Variants in PDHX observed in about 807,000 individuals in gnomAD.
PDHX encodes the protein pyruvate dehydrogenase complex component X.
A neutral mutation model predicts 55.3 loss-of-function variants in PDHX; 33 were observed. That is an observed-to-expected ratio of 0.60 (90% confidence interval 0.45 to 0.80). The LOEUF (loss-of-function observed/expected upper bound fraction) is 0.80, where lower values mean the gene tolerates loss of function less well. PDHX is among the 30% of genes least tolerant of loss of function. The pLI, the probability that PDHX is intolerant of heterozygous loss-of-function variation, is 0.00. For missense variants in PDHX, 622 were observed against 619.9 expected (o/e 1.00, Z -0.04); for synonymous variants, 226 against 219.4 (o/e 1.03, Z -0.27).
At chr11:34,984,209 C>T (rs1476982887) in intron 8 of PDHX, among the ~76,000 whole-genome samples, 1 of 152,160 alleles carries the variant, frequency 6.6e-6, no homozygotes, top group East Asian at 1.9e-4. Flanking sequence ...TTTCCACTCT[C>T]CTCCTCCCCT....
At chr11:34,954,560 T>C (rs1854861154) in intron 3 of PDHX, among the ~76,000 whole-genome samples, 1 of 152,228 alleles carries the variant, frequency 6.6e-6, no homozygotes, top group South Asian at 2.1e-4. Flanking sequence ...TATATGTTGA[T>C]GTTTGCCCTT....
Position 34,995,079 on chromosome 11 carries a change from G to A in PDHX, c.1413G>A (p.Met471Ile), listed in dbSNP as rs988363730. 3.7e-6 allele frequency: 6 copies of A among 1,613,876 alleles called. No individual in the cohort carries two copies. The highest frequency in any genetic ancestry group is 2.7e-5 in the African/African-American group (2 of 74,914). The change falls in exon 11 of 11, where the codon ATG becomes ATA. Residue 471 changes from methionine (M) to isoleucine (I), a missense_variant. By Grantham distance (10) the Met-to-Ile change is conservative. Coordinates refer to ENST00000227868, the MANE Select transcript of PDHX (RefSeq NM_003477.3). ...AGCGCCAGCTCATAACAGTCACAAT[G>A]TCAAGTGACAGTCGAGTGGTTGATG... ...LQQRQLITVTMSSDSRVVDDE... is the reference protein window; with the variant it reads ...LQQRQLITVTISSDSRVVDDE...
intron 8 of PDHX, among the ~76,000 whole-genome samples, chr11:34,983,280 A>C (rs1855560440): frequency 6.6e-6 from 1 of 152,198 alleles, no homozygotes. Context: ...ATCTCAAAAT[A>C]ATAAGACCTA....
intron 9 of PDHX, among the ~76,000 whole-genome samples, chr11:34,987,729 A>AGTGT (rs112490795): frequency 0.57 from 85,506 of 149,370 alleles, 25,493 homozygotes; most frequent in Non-Finnish European, 0.67. Flanking sequence ...AGAAACCCTG[A>AGTGT]GTGTGTGTGT....
At chr11:34,947,708 G>A (rs527302732) in intron 3 of PDHX, 102 bp downstream of exon 3, 16 of 795,856 alleles carry the variant, frequency 2.0e-5, no homozygotes, top group East Asian at 1.3e-4. Context: ...TATTTTTAAT[G>A]TGTATTGTCT....
chr11:34,974,311 C>T (rs979477408), intron 7 of PDHX, among the ~76,000 whole-genome samples: 3 of 152,192 alleles, frequency 2.0e-5, no homozygotes, highest in Admixed American at 6.5e-5. Context: ...ATTATGTCTT[C>T]AGGGTTCATG....
chr11:34,951,700 ATT>A lies in PDHX; in HGVS notation c.342+4095_342+4096del, dbSNP rs1297922919. On this transcript the variant is annotated intron_variant, in intron 3 of 10. Transcript: ENST00000227868. ...TGCTGTGCAGAAGCTCTTTGGTTTA[ATT>A]AGATCCCATTTGTCAATTTTTGGCT... is the stretch of plus-strand genomic sequence containing the variant. Among the ~76,000 whole-genome samples the A allele has an allele frequency of 2.6e-5, 4 of 152,074 alleles. No individual in the cohort carries two copies. In the East Asian group the frequency reaches 7.7e-4, roughly 29 times the overall value.
intron 1 of PDHX, among the ~76,000 whole-genome samples, chr11:34,920,361 C>T (rs1250000854): frequency 6.6e-6 from 1 of 151,844 alleles, no homozygotes; most frequent in East Asian, 1.9e-4. Context: ...GGCGATTTGC[C>T]TAGTATATAA....
At chr11:34,924,251 CTA>C (rs1480803145) in intron 1 of PDHX, among the ~76,000 whole-genome samples, 33 of 152,048 alleles carry the variant, frequency 2.2e-4, no homozygotes, top group Admixed American at 2.2e-3. Flanking sequence ...TTCTTTCTTT[CTA>C]TTTTTTTAGA....
In PDHX at chr11:34,947,336, T is replaced by TACAC. The variant is rs201136678; in HGVS notation, c.242-158_242-155dup. On this transcript the variant is annotated intron_variant, in intron 2 of 10. Transcript: ENST00000227868. ...TGGAAATTACAGCAAAGCATACACATACACACACACACACAAACACCCACA... is the reference window on the plus strand; with the variant it reads ...TGGAAATTACAGCAAAGCATACACATACACACACACACACACACAAACACCCACA... Among the ~76,000 whole-genome samples the TACAC allele has an allele frequency of 4.7e-4, 71 of 151,230 alleles. 1 individual carries two copies. The highest frequency in any genetic ancestry group is 1.6e-3 in the African/African-American group (65 of 41,298).
chr11:34,979,935 A>G (rs1176065534), intron 8 of PDHX, among the ~76,000 whole-genome samples: 1 of 149,954 alleles, frequency 6.7e-6, no homozygotes, highest in Non-Finnish European at 1.5e-5. Flanking sequence ...ATTTTTTTAT[A>G]TTTTCTAGTT....
At position 34,992,374 on chromosome 11, in the gene PDHX, T is replaced by A. The variant is rs1590775601; in HGVS notation, c.1242T>A (p.Ser414=). Residue 414 remains serine (S), a synonymous_variant, in exon 10 of 11, where the codon TCT becomes TCA. Transcript: ENST00000227868. ...TGCCTGAAGAATACCAAGGAGGATC[T>A]TTTAGGTAAAATTTAAACTCTTAAT... ...KLLPEEYQGG[S]FSISNLGMFG... is the part of the protein sequence containing the mutation. 6.4e-7 allele frequency: 1 copy of A among 1,567,456 alleles called. No individual in the cohort carries two copies.
chr11:34,979,684 T>A (rs1590765227), intron 8 of PDHX, among the ~76,000 whole-genome samples: 1 of 152,288 alleles, frequency 6.6e-6, no homozygotes, highest in East Asian at 1.9e-4. Context: ...ATTAATTGAC[T>A]ATTATTGTGA....
chr11:34,974,634 C>A (rs917193450), intron 7 of PDHX, among the ~76,000 whole-genome samples: 1 of 152,144 alleles, frequency 6.6e-6, no homozygotes, highest in African/African-American at 2.4e-5. Flanking sequence ...CCACTAATGG[C>A]GCACCAATGG....
At chr11:34,987,689 A>C (rs1037874988) in intron 9 of PDHX, among the ~76,000 whole-genome samples, 1 of 151,810 alleles carries the variant, frequency 6.6e-6, no homozygotes, top group African/African-American at 2.4e-5. Context: ...CTGTGGATGA[A>C]TAGGCATTAA....
At chr11:34,931,618 T>C (rs1854174363) in intron 2 of PDHX, 134 bp downstream of exon 2, 1 of 645,244 alleles carries the variant, frequency 1.5e-6, no homozygotes, top group Admixed American at 2.6e-5. Context: ...TGGTAGTTAA[T>C]GTAAGTTTGG....
intron 8 of PDHX, among the ~76,000 whole-genome samples, chr11:34,984,189 T>C (rs938667623): frequency 2.0e-5 from 3 of 152,180 alleles, no homozygotes; most frequent in African/African-American, 7.2e-5. Context: ...TGATCTAATA[T>C]TATTACCTGT....
chr11:34,953,847 G>A (rs933467047), intron 3 of PDHX, among the ~76,000 whole-genome samples: 1 of 152,164 alleles, frequency 6.6e-6, no homozygotes, highest in African/African-American at 2.4e-5. Flanking sequence ...TACCTCAGAA[G>A]GTTGTTAGGA....
Position 34,947,366 on chromosome 11 carries a change from A to G in PDHX, c.242-140A>G, listed in dbSNP as rs563811321. The G allele has an allele frequency of 1.0e-4, 63 of 632,150 alleles. No homozygotes were observed. The Admixed American group carries it at 1.5e-3, about 15-fold the overall frequency. The allele number at this position is 632,150 out of a possible 1,614,324, so 39.2% of individuals were successfully genotyped here. On this transcript the variant is annotated intron_variant, in intron 2 of 10. Transcript: ENST00000227868. Reference sequence around the variant, plus strand: ...ACACACACACAAACACCCACACATAATGAGAATTACTTGTATTTCCACAAC... The same window carrying G: ...ACACACACACAAACACCCACACATAGTGAGAATTACTTGTATTTCCACAAC...
Sources: gnomAD v4.1 joint callset for allele counts (sites outside exome capture counted in the v4.1 genomes callset) on GRCh38, gnomAD v4.1.1 for gene constraint, MANE v1.5 for transcripts, NCBI Gene and HGNC (gene_info 2026-07-23, HGNC 2026-07-21) for gene names.